The following SH3BP4 variants were observed in gnomAD, a reference collection of about 807,000 sequenced individuals.
SH3BP4 encodes the protein SH3 domain binding protein 4, also known as SH3 domain-binding protein 4.
A neutral mutation model predicts 65.5 loss-of-function variants in SH3BP4; 33 were observed. The ratio of observed to expected loss-of-function variants is 0.50; its 90% CI spans 0.38 to 0.67. SH3BP4 has a LOEUF of 0.67. SH3BP4 is among the 30% of genes least tolerant of loss of function. SH3BP4 has a pLI of 0.00. For synonymous variants in SH3BP4, 552 were observed against 545.5 expected (o/e 1.01, Z -0.17); for missense variants, 1,134 against 1,261.4 (o/e 0.90, Z 1.53).
intron 1 of SH3BP4, among the ~76,000 whole-genome samples, chr2:234,985,497 G>A (rs1222960127): frequency 6.6e-6 from 1 of 152,088 alleles, no homozygotes; most frequent in Admixed American, 6.6e-5. Context: ...TGACACTTGT[G>A]CATAAGCATT....
rs1695145757 is a variant in SH3BP4 at position 235,030,418 on chromosome 2, G to C, written c.-132-4453G>C. Among the ~76,000 whole-genome samples, 1 of 152,182 alleles carries C rather than the reference G, an allele frequency of 6.6e-6. No individual in the cohort carries two copies. Among genetic ancestry groups the C allele is most frequent in the South Asian group, 2.1e-4 (1 of 4,824 alleles). On this transcript the variant is annotated intron_variant, in intron 2 of 5. Transcript: ENST00000392011. This position sits in a 1 kb window ranked among gnomAD's most constrained non-coding sequence, Gnocchi z 4.1. ...AATCTGTAAAGTGCAGCCAAGTCTG[G>C]TACCTGCTGCCTAGGGCCCTTGAGG...
chr2:235,017,543 C>T (rs779600820), intron 2 of SH3BP4, among the ~76,000 whole-genome samples: 5 of 152,192 alleles, frequency 3.3e-5, no homozygotes, highest in African/African-American at 4.8e-5. Flanking sequence ...TCAGTTTCAC[C>T]GTCATCTGTG....
At chr2:235,040,407 C>G (rs1424702708) in intron 3 of SH3BP4, among the ~76,000 whole-genome samples, 1 of 151,938 alleles carries the variant, frequency 6.6e-6, no homozygotes, top group Non-Finnish European at 1.5e-5. Context: ...GGAATCAGCT[C>G]ATACATGTCA....
chr2:235,031,538 C>T (rs1695201236), intron 2 of SH3BP4, among the ~76,000 whole-genome samples: 1 of 152,240 alleles, frequency 6.6e-6, no homozygotes, highest in Non-Finnish European at 1.5e-5. Context: ...CCCAGGGTCT[C>T]CTGGACAAGA....
At chr2:234,987,690 C>T (rs1033057249) in intron 1 of SH3BP4, among the ~76,000 whole-genome samples, 4 of 152,118 alleles carry the variant, frequency 2.6e-5, no homozygotes, top group African/African-American at 4.8e-5. Flanking sequence ...TGGTGATTTT[C>T]GAAACCTTGG....
chr2:234,963,387 C>A (rs1379417674), intron 1 of SH3BP4, among the ~76,000 whole-genome samples: 1 of 152,168 alleles, frequency 6.6e-6, no homozygotes, highest in Non-Finnish European at 1.5e-5. Flanking sequence ...AAAAGCACCT[C>A]AAAAGGGAGT....
rs944459721 is a variant in SH3BP4, at chr2:234,976,255, T to C, written c.-206-19048T>C. Among the ~76,000 whole-genome samples the C allele has an allele frequency of 4.2e-4, 64 of 152,328 alleles. No homozygotes were observed. Among genetic ancestry groups the C allele is most frequent in the African/African-American group, 1.5e-3 (61 of 41,580 alleles). ...CCCACCTGGCCAGGTTTGAAGGGCT[T>C]GGGCAGGACAGGTGGTATCTGGGCC... On this transcript the variant is annotated intron_variant, in intron 1 of 5. Transcript: ENST00000392011. The surrounding 1 kb of genome is among the most constrained non-coding windows in gnomAD (Gnocchi z 4.7).
chr2:235,015,858 G>T (rs1366382639), intron 2 of SH3BP4, among the ~76,000 whole-genome samples: 10 of 152,098 alleles, frequency 6.6e-5, no homozygotes, highest in African/African-American at 2.4e-4. Flanking sequence ...GCATGGTATT[G>T]CCAGAAAGAG....
rs1464149420 is a variant in SH3BP4 at position 235,026,958 on chromosome 2, T to C, written c.-132-7913T>C. On this transcript the variant is annotated intron_variant, in intron 2 of 5. Coordinates refer to ENST00000392011, the MANE Select transcript of SH3BP4 (RefSeq NM_014521.3). This position sits in a 1 kb window ranked among gnomAD's most constrained non-coding sequence, Gnocchi z 4.6. ...TGTTCCTCCTGTGCCCTGGGTGCAT[T>C]AGGCGAGATCAGGCACGTTCAGGGT... 6.6e-6 allele frequency among the ~76,000 whole-genome samples: 1 copy of C among 152,152 alleles called. No homozygotes were observed. The highest frequency in any genetic ancestry group is 2.4e-5 in the African/African-American group (1 of 41,426).
chr2:234,984,157 G>A (rs1019453689), intron 1 of SH3BP4, among the ~76,000 whole-genome samples: 1 of 152,194 alleles, frequency 6.6e-6, no homozygotes, highest in African/African-American at 2.4e-5. Flanking sequence ...GTTGTCCTCA[G>A]CCTGGAAGTG....
rs924916412 is a variant in SH3BP4, at chr2:234,970,845, C to CT, written c.-207+18686dup. On this transcript the variant is annotated intron_variant, in intron 1 of 5. Coordinates refer to ENST00000392011, the MANE Select transcript of SH3BP4 (RefSeq NM_014521.3). Reference sequence around the variant, plus strand: ...TAAAAGCAATTGGAGAGAGGGTTGACTTTTTTTTTTTAACTGCGTTGGAAT... The same window carrying CT: ...TAAAAGCAATTGGAGAGAGGGTTGACTTTTTTTTTTTTAACTGCGTTGGAAT... Among the ~76,000 whole-genome samples the CT allele has an allele frequency of 5.7e-3, 843 of 147,034 alleles. 5 individuals carry two copies. The highest frequency in any genetic ancestry group is 0.019 in the African/African-American group (782 of 40,270).
At chr2:235,003,437 G>T (rs982727664) in intron 2 of SH3BP4, among the ~76,000 whole-genome samples, 1 of 152,244 alleles carries the variant, frequency 6.6e-6, no homozygotes, top group Admixed American at 6.5e-5. Context: ...TACAGGTCGG[G>T]GCATGAGAGC....
intron 5 of SH3BP4, 53 bp from the exon 6 acceptor site, chr2:235,053,539 C>T (rs1316316058): frequency 6.4e-6 from 9 of 1,401,774 alleles, no homozygotes; most frequent in Non-Finnish European, 9.1e-6. Context: ...GTTCTGTCTC[C>T]TAATCTTTCT....
At chr2:235,032,845 GGTTCTCCCCAAGGCGTA>G (rs1403072946) in intron 2 of SH3BP4, among the ~76,000 whole-genome samples, 1 of 152,148 alleles carries the variant, frequency 6.6e-6, no homozygotes, top group African/African-American at 2.4e-5. Context: ...GGGCGTCCGG[GGTTCTCCCCAAGGCGTA>G]GTTCTCAGGG....
intron 1 of SH3BP4, among the ~76,000 whole-genome samples, chr2:234,985,386 C>T (rs1185342168): frequency 6.6e-6 from 1 of 152,088 alleles, no homozygotes; most frequent in Non-Finnish European, 1.5e-5. Flanking sequence ...CAAAAGTGTG[C>T]GTGAATGAAG....
chr2:235,044,506 G>A (rs544129315), intron 4 of SH3BP4, among the ~76,000 whole-genome samples: 10 of 152,268 alleles, frequency 6.6e-5, no homozygotes, highest in Middle Eastern at 3.4e-3. Flanking sequence ...CCTATCCTCC[G>A]GAGAGGGGCG....
At chr2:234,986,813 T>TA (rs67774644) in intron 1 of SH3BP4, among the ~76,000 whole-genome samples, 1,743 of 89,406 alleles carry the variant, frequency 0.019, 35 homozygotes, top group African/African-American at 0.055. Flanking sequence ...GATTTTATTT[T>TA]TTTTTTTTTT....
intron 1 of SH3BP4, among the ~76,000 whole-genome samples, chr2:234,993,623 C>G (rs147474685): frequency 1.3e-5 from 2 of 152,194 alleles, no homozygotes; most frequent in African/African-American, 2.4e-5. Context: ...CAGCCTCATT[C>G]GTAGTTTCAC....
intron 4 of SH3BP4, among the ~76,000 whole-genome samples, chr2:235,049,296 G>A (rs986278070): frequency 2.0e-5 from 3 of 152,170 alleles, no homozygotes; most frequent in Non-Finnish European, 4.4e-5. Context: ...GGGAGAGAGC[G>A]GTTTTGATCA....
Sources: gnomAD v4.1 joint callset for allele counts (sites outside exome capture counted in the v4.1 genomes callset) on GRCh38, gnomAD v4.1.1 for gene constraint, Gnocchi (gnomAD v3.1) non-coding constraint, MANE v1.5 for transcripts, NCBI Gene and HGNC (gene_info 2026-07-23, HGNC 2026-07-21) for gene names.